NHERF2: variants seen among roughly 807,000 people sequenced by gnomAD.
NHERF2 encodes Na(+)/H(+) exchange regulatory cofactor NHE-RF2.
At chr16:2,033,077 C>T in the NHERF2 span, 1 of 985,390 alleles carries the variant, frequency 1.0e-6, no homozygotes, top group Non-Finnish European at 1.2e-6. Context: ...GCCCTGGGTC[C>T]TGGGGCAGGG....
At chr16:2,036,752 C>T in the NHERF2 span, 10 of 1,613,152 alleles carry the variant, frequency 6.2e-6, no homozygotes, top group Middle Eastern at 1.7e-4. Flanking sequence ...TGTGGAGGGA[C>T]TGCGCCATGC....
At chr16:2,036,522 TGCGGG>T in the NHERF2 span, 3 of 1,567,066 alleles carry the variant, frequency 1.9e-6, no homozygotes, top group Non-Finnish European at 2.6e-6. Flanking sequence ...CCACCAGGGC[TGCGGG>T]GTGCCGAGTG....
chr16:2,032,141 T>TGCTGAGTA, the NHERF2 span, among the ~76,000 whole-genome samples: 1 of 151,942 alleles, frequency 6.6e-6, no homozygotes, highest in South Asian at 2.1e-4. This position sits in a 1 kb window ranked among gnomAD's most constrained non-coding sequence, Gnocchi z 4.0. Flanking sequence ...TGTCTCAGCC[T>TGCTGAGTA]GCTGAGTAGC....
the NHERF2 span, chr16:2,035,939 G>A: frequency 2.7e-4 from 57 of 212,616 alleles, no homozygotes; most frequent in Middle Eastern, 1.7e-3. Flanking sequence ...CTGGAGGAGA[G>A]CCCGGGGCAG....
At chr16:2,035,528 G>C in the NHERF2 span, 1 of 986,566 alleles carries the variant, frequency 1.0e-6, no homozygotes. Flanking sequence ...CTGGAAACCT[G>C]AGCTGCCTCC....
chr16:2,037,082 C>T, the NHERF2 span: 30 of 1,475,350 alleles, frequency 2.0e-5, no homozygotes, highest in East Asian at 7.4e-5. Context: ...CCTGGAGATC[C>T]GTCCTCGAGG....
the NHERF2 span, among the ~76,000 whole-genome samples, chr16:2,033,921 G>C: frequency 1.3e-5 from 2 of 152,218 alleles, no homozygotes; most frequent in African/African-American, 4.8e-5. Context: ...CTGGGACCCT[G>C]CTGACAATGA....
At chr16:2,038,369 G>A in the NHERF2 span, 1 of 448,366 alleles carries the variant, frequency 2.2e-6, no homozygotes, top group South Asian at 1.6e-5. Flanking sequence ...AAGATCTCCA[G>A]CTCCACACAT....
chr16:2,031,562 G>A, the NHERF2 span, among the ~76,000 whole-genome samples: 1 of 152,168 alleles, frequency 6.6e-6, no homozygotes, highest in Non-Finnish European at 1.5e-5. Context: ...AGGCTCTGGG[G>A]GCTGCAGGAA....
the NHERF2 span, chr16:2,033,492 G>A: frequency 7.5e-5 from 111 of 1,479,638 alleles, no homozygotes; most frequent in Non-Finnish European, 9.8e-5. Context: ...CAGCCTCCCG[G>A]GGTGGAAGGA....
chr16:2,036,855 T>A, the NHERF2 span: 1 of 1,610,894 alleles, frequency 6.2e-7, no homozygotes, highest in South Asian at 1.1e-5. Context: ...CGGCTTCGGG[T>A]CACACCCACC....
chr16:2,036,421 G>C, the NHERF2 span: 1 of 1,607,456 alleles, frequency 6.2e-7, no homozygotes, highest in East Asian at 2.2e-5. Flanking sequence ...GACAAGTCCC[G>C]GCCCGGCCAG....
chr16:2,038,027 C>T, the NHERF2 span: 86 of 1,605,818 alleles, frequency 5.4e-5, no homozygotes, highest in Admixed American at 6.7e-5. Context: ...CCCTCCCGCA[C>T]GGACCTTGGG....
chr16:2,029,680 C>T, the NHERF2 span: 21 of 1,563,012 alleles, frequency 1.3e-5, no homozygotes, highest in African/African-American at 6.8e-5. Flanking sequence ...TGACCTGTAC[C>T]GAGGAGATGG....
the NHERF2 span, chr16:2,033,376 C>A: frequency 2.6e-6 from 4 of 1,533,170 alleles, no homozygotes; most frequent in South Asian, 1.2e-5. Flanking sequence ...GAGTGCCACG[C>A]CACCTGCCCG....
chr16:2,035,329 T>A, the NHERF2 span: 2 of 878,994 alleles, frequency 2.3e-6, no homozygotes, highest in Non-Finnish European at 2.7e-6. Context: ...GGGTTGGGGG[T>A]GTCTGAGGCC....
chr16:2,035,710 C>T, the NHERF2 span: 87 of 984,256 alleles, frequency 8.8e-5, no homozygotes, highest in Non-Finnish European at 9.9e-5. Context: ...TGGGGCAGGG[C>T]CTGGGATGGT....
At chr16:2,038,461 AAAAC>A in the NHERF2 span, 3 of 370,032 alleles carry the variant, frequency 8.1e-6, no homozygotes, top group South Asian at 5.6e-5. Context: ...TAATTGCAAT[AAAAC>A]AAACCTTTCT....
At chr16:2,032,787 AG>A in the NHERF2 span, 19 of 993,922 alleles carry the variant, frequency 1.9e-5, no homozygotes, top group South Asian at 7.6e-4. This position sits in a 1 kb window ranked among gnomAD's most constrained non-coding sequence, Gnocchi z 4.0. Flanking sequence ...GACAGGGGAC[AG>A]CCCCCAAACA....
Sources: gnomAD v4.1 joint callset for allele counts (sites outside exome capture counted in the v4.1 genomes callset) on GRCh38, gnomAD v4.1.1 for gene constraint, Gnocchi (gnomAD v3.1) non-coding constraint, MANE v1.5 for transcripts, NCBI Gene and HGNC (gene_info 2026-07-23, HGNC 2026-07-21) for gene names.